ARHGAP26: variants seen among roughly 807,000 people sequenced by gnomAD.
ARHGAP26 encodes the protein Rho GTPase activating protein 26, also known as rho GTPase-activating protein 26.
In ARHGAP26, 38 loss-of-function variants were observed where a neutral mutation model predicts 104.8. The observed-to-expected ratio is 0.36, with a 90% CI of 0.28 to 0.48. ARHGAP26 has a LOEUF of 0.48. Among genes scored for constraint, ARHGAP26 ranks in the 20% least tolerant of loss-of-function variants. ARHGAP26 has a pLI of 0.99. For synonymous variants in ARHGAP26, 341 were observed against 340.0 expected, an observed-to-expected ratio of 1.00 and a Z score of -0.03; for missense variants, 704 against 947.9, an observed-to-expected ratio of 0.74 and a Z score of 3.38.
chr5:142,790,260 C>T (rs1339846643), intron 1 of ARHGAP26, among the ~76,000 whole-genome samples: 1 of 152,164 alleles, frequency 6.6e-6, no homozygotes, highest in East Asian at 1.9e-4. Context: ...TCCGAGAACA[C>T]TTCTCTGAGG....
In ARHGAP26 at chr5:143,101,856, C is replaced by G. The variant is rs1049114124; in HGVS notation, c.1539-19132C>G. 1.2e-4 allele frequency among the ~76,000 whole-genome samples: 16 copies of G among 139,032 alleles called. No individual in the cohort carries two copies. In the East Asian group the frequency reaches 3.1e-3, roughly 27 times the overall value. The allele number at this position is 139,032 out of a possible 152,430, so 91.2% of individuals were successfully genotyped here. ...GAAAGTTCGTCATATGACATAAAAG[C>G]TTTTTTTTTTTTTTTCTTCCATAAT... On this transcript the variant is annotated intron_variant, in intron 17 of 22. Coordinates refer to ENST00000645722, the MANE Select transcript of ARHGAP26 (RefSeq NM_001135608.3).
intron 1 of ARHGAP26, among the ~76,000 whole-genome samples, chr5:142,867,243 G>A (rs1231773376): frequency 1.3e-5 from 2 of 151,914 alleles, no homozygotes; most frequent in Admixed American, 6.6e-5. Context: ...ACGGAAACGA[G>A]AAAAATGCTA....
chr5:142,952,648 A>G (rs114489839), intron 11 of ARHGAP26, among the ~76,000 whole-genome samples: 1,726 of 152,216 alleles, frequency 0.011, 23 homozygotes, highest in African/African-American at 0.027. Flanking sequence ...TCTTTGGGAG[A>G]TCAGTCATCC....
At chr5:143,050,865 C>T (rs1784914089) in intron 14 of ARHGAP26, among the ~76,000 whole-genome samples, 1 of 152,172 alleles carries the variant, frequency 6.6e-6, no homozygotes, top group South Asian at 2.1e-4. Context: ...AGAAGAAACA[C>T]AGAGATGGAA....
intron 1 of ARHGAP26, among the ~76,000 whole-genome samples, chr5:142,814,628 G>A (rs1247442115): frequency 6.6e-6 from 1 of 152,190 alleles, no homozygotes; most frequent in Non-Finnish European, 1.5e-5. Flanking sequence ...TGGAAGTACT[G>A]ACATGGTAGC....
At position 142,983,994 on chromosome 5, in the gene ARHGAP26, T is replaced by C. The variant is rs541242335; in HGVS notation, c.1108-30086T>C. Among the ~76,000 whole-genome samples, 48 of 152,340 alleles carry C rather than the reference T, an allele frequency of 3.2e-4. 1 individual carries two copies. In the East Asian group the frequency reaches 9.3e-3, roughly 29 times the overall value. ...AAGTTTTAGGCATTAATATATATGA[T>C]AGGCCACATGGGACAAATAGGGTGG... On this transcript the variant is annotated intron_variant, in intron 11 of 22. Coordinates refer to ENST00000645722, the MANE Select transcript of ARHGAP26 (RefSeq NM_001135608.3).
chr5:142,830,040 T>C (rs1768083267), intron 1 of ARHGAP26, among the ~76,000 whole-genome samples: 2 of 152,208 alleles, frequency 1.3e-5, no homozygotes, highest in Non-Finnish European at 2.9e-5. Context: ...GAGGAAATAT[T>C]GGCCCAGGGT....
chr5:143,127,823 A>T (rs530008932), intron 18 of ARHGAP26, among the ~76,000 whole-genome samples: 1 of 152,282 alleles, frequency 6.6e-6, no homozygotes, highest in South Asian at 2.1e-4. Context: ...GTCGCATTTT[A>T]TTTCTTTGAT....
intron 17 of ARHGAP26, among the ~76,000 whole-genome samples, chr5:143,106,181 T>A (rs1183798637): frequency 6.6e-6 from 1 of 152,192 alleles, no homozygotes; most frequent in African/African-American, 2.4e-5. Flanking sequence ...TGGTGTGGCT[T>A]TCTCCTTGAT....
chr5:143,070,612 C>G (rs1017105331), intron 17 of ARHGAP26, among the ~76,000 whole-genome samples: 12 of 152,122 alleles, frequency 7.9e-5, no homozygotes, highest in African/African-American at 2.7e-4. Context: ...CAATCCCTAT[C>G]GAAATACCAA....
At chr5:142,798,667 G>T (rs1409287747) in intron 1 of ARHGAP26, among the ~76,000 whole-genome samples, 1 of 152,248 alleles carries the variant, frequency 6.6e-6, no homozygotes, top group African/African-American at 2.4e-5. Context: ...AAGAGGAAGA[G>T]CAAAGAGTTT....
intron 11 of ARHGAP26, among the ~76,000 whole-genome samples, chr5:142,982,297 A>T (rs1000268756): frequency 6.6e-6 from 1 of 152,252 alleles, no homozygotes; most frequent in Non-Finnish European, 1.5e-5. Flanking sequence ...CTGCACTGGC[A>T]ATGAAACATG....
intron 20 of ARHGAP26, among the ~76,000 whole-genome samples, chr5:143,148,130 A>C (rs1004517173): frequency 6.6e-6 from 1 of 152,172 alleles, no homozygotes; most frequent in African/African-American, 2.4e-5. Flanking sequence ...TGACCGGAAC[A>C]GTTGGACTCT....
At position 143,227,136 on chromosome 5, in the gene ARHGAP26, G is replaced by A; in HGVS notation, c.*4690G>A. On this transcript the variant is annotated 3_prime_UTR_variant, in exon 23 of 23. Transcript: ENST00000645722. ...CTCCCAAAAGCAAGTCTGGATGACT[G>A]AGTTTTGTGGACATGGCACTCCCGG... 4.3e-6 allele frequency: 1 copy of A among 230,260 alleles called. No individual in the cohort carries two copies. The highest frequency in any genetic ancestry group is 8.6e-6 in the Non-Finnish European group (1 of 116,214). The allele number at this position is 230,260 out of a possible 1,614,324, so 14.3% of individuals were successfully genotyped here. A position where few individuals can be genotyped will look rare whatever the true frequency, so the allele number is the denominator to read the frequency against.
At chr5:143,040,802 CAGGA>C (rs939980829) in intron 13 of ARHGAP26, among the ~76,000 whole-genome samples, 49 of 152,134 alleles carry the variant, frequency 3.2e-4, no homozygotes, top group African/African-American at 1.1e-3. Flanking sequence ...GTTGAGGTGA[CAGGA>C]AGGCCAGTGT....
At chr5:142,963,766 A>C (rs997491184) in intron 11 of ARHGAP26, among the ~76,000 whole-genome samples, 1 of 152,082 alleles carries the variant, frequency 6.6e-6, no homozygotes, top group Non-Finnish European at 1.5e-5. Context: ...TGTGCAGCCC[A>C]CTATGTTTTC....
chr5:142,888,656 A>G (rs1210683278), intron 5 of ARHGAP26, among the ~76,000 whole-genome samples: 1 of 152,202 alleles, frequency 6.6e-6, no homozygotes, highest in Non-Finnish European at 1.5e-5. Context: ...AGTAGAAACT[A>G]CAGGGCAGTG....
chr5:143,020,523 C>T (rs190961046), intron 12 of ARHGAP26, among the ~76,000 whole-genome samples: 31 of 152,202 alleles, frequency 2.0e-4, no homozygotes, highest in African/African-American at 6.7e-4. Flanking sequence ...GAAATTTCCT[C>T]CCTTCTCTCC....
intron 13 of ARHGAP26, among the ~76,000 whole-genome samples, chr5:143,038,977 T>C (rs1040355573): frequency 2.0e-5 from 3 of 151,952 alleles, no homozygotes; most frequent in African/African-American, 4.8e-5. Flanking sequence ...TACAGACATA[T>C]GGCATTTTAA....
Sources: allele counts gnomAD v4.1 joint callset (sites outside exome capture counted in the v4.1 genomes callset), GRCh38; gene constraint gnomAD v4.1.1; transcripts MANE v1.5; gene names NCBI Gene and HGNC (gene_info 2026-07-23, HGNC 2026-07-21).